Variants in NHSL2 observed in about 807,000 individuals in gnomAD.
NHSL2 encodes the protein NHS like 2.
In NHSL2, 27 loss-of-function variants were observed where a neutral mutation model predicts 53.4. That is an observed-to-expected ratio of 0.51 (90% CI 0.37 to 0.70). The LOEUF is 0.70. NHSL2 is among the 30% of genes least tolerant of loss of function. The probability of loss-of-function intolerance (pLI) is 0.00; values close to 1 mark genes in which losing one functional copy is unlikely to be tolerated. For synonymous variants in NHSL2, 408 were observed against 404.1 expected (o/e 1.01, Z -0.12); for missense variants, 892 against 980.1 (o/e 0.91, Z 1.20).
intron 1 of NHSL2, among the ~76,000 whole-genome samples, chrX:72,083,265 C>T (rs937661134): frequency 1.6e-4 from 18 of 113,248 alleles, no homozygotes; most frequent in African/African-American, 5.4e-4. Context: ...ATAACAACCA[C>T]ATTTGTAGGC....
chrX:72,049,488 C>T (rs779755403), intron 1 of NHSL2, among the ~76,000 whole-genome samples: 19 of 110,654 alleles, frequency 1.7e-4, no homozygotes, highest in African/African-American at 5.9e-4. Flanking sequence ...TCCCAGTGCC[C>T]GGAGTGGGTG....
At chrX:72,067,492 C>T (rs2042438012) in intron 1 of NHSL2, among the ~76,000 whole-genome samples, 1 of 111,942 alleles carries the variant, frequency 8.9e-6, no homozygotes, top group Non-Finnish European at 1.9e-5. Context: ...TCCATGTTTA[C>T]AACCTTGAAG....
Position 72,124,477 on chromosome X carries a change from G to T in NHSL2, c.281-7602G>T, listed in dbSNP as rs185519933. Among the ~76,000 whole-genome samples, 8 of 111,686 alleles carry T rather than the reference G, an allele frequency of 7.2e-5. No homozygotes were observed. In the Admixed American group the frequency reaches 7.5e-4, roughly 11 times the overall value. On this transcript the variant is annotated intron_variant, in intron 1 of 7. Coordinates refer to ENST00000633930, the MANE Select transcript of NHSL2 (RefSeq NM_001013627.3). Reference sequence around the variant, plus strand: ...CTTGCTCCAGGGAGCTCTAGGGGAAGGCTCAGAACCAAACTGGCCATTAAA... The same window carrying T: ...CTTGCTCCAGGGAGCTCTAGGGGAATGCTCAGAACCAAACTGGCCATTAAA...
rs749777592 is a variant in NHSL2 at position 72,140,480 on chromosome X, G to C, written c.2932G>C (p.Val978Leu). 8.3e-7 allele frequency: 1 copy of C among 1,208,343 alleles called. No homozygotes were observed. Among genetic ancestry groups the C allele is most frequent in the Admixed American group, 2.2e-5 (1 of 45,682 alleles). Residue 978 changes from valine to leucine, a missense_variant, in exon 6 of 8, where the codon GTG becomes CTG. Transcript: ENST00000633930. The part of the protein sequence containing the change: ...QGSVEDEGPK[V>L]RVLPERISLQ... ...AAGTGTAGAGGACGAGGGCCCCAAG[G>C]TGAGGGTTCTGCCTGAAAGAATTAG...
At chrX:72,013,822 A>G (rs756433376) in intron 1 of NHSL2, among the ~76,000 whole-genome samples, 1 of 111,276 alleles carries the variant, frequency 9.0e-6, no homozygotes, top group Admixed American at 9.6e-5. Context: ...GATTTTATCA[A>G]ATGCTTTTTC....
chrX:72,080,571 C>CGTGTGTGT (rs10580313), intron 1 of NHSL2, among the ~76,000 whole-genome samples: 5,331 of 97,045 alleles, frequency 0.055, 265 homozygotes, highest in African/African-American at 0.15. Flanking sequence ...GAATTCTGCA[C>CGTGTGTGT]GTGTGTGTGT....
chrX:71,911,477 C>T (rs1335430885), intron 1 of NHSL2, 110 bp downstream of exon 1: 2 of 677,683 alleles, frequency 3.0e-6, no homozygotes, highest in Non-Finnish European at 4.0e-6. Flanking sequence ...TCCGCCCCTC[C>T]CCTCCCCTCC....
chrX:72,001,033 A>C (rs1465296113), intron 1 of NHSL2, among the ~76,000 whole-genome samples: 1 of 111,388 alleles, frequency 9.0e-6, no homozygotes, highest in Non-Finnish European at 1.9e-5. Flanking sequence ...GGGCCTATGG[A>C]ATTCTTCCTG....
intron 1 of NHSL2, among the ~76,000 whole-genome samples, chrX:72,126,723 AC>A (rs2042229882): frequency 9.0e-6 from 1 of 111,575 alleles, no homozygotes; most frequent in Admixed American, 9.5e-5. Flanking sequence ...GTGATTCATC[AC>A]CAGCTAACTC....
chrX:71,945,330 C>T (rs1250011587), intron 1 of NHSL2, among the ~76,000 whole-genome samples: 1 of 112,393 alleles, frequency 8.9e-6, no homozygotes, highest in Non-Finnish European at 1.9e-5. Flanking sequence ...CTCTGCCTCA[C>T]TGCTGAGAAG....
In NHSL2 at chrX:72,140,022, A is replaced by G; in HGVS notation, c.2474A>G (p.Gln825Arg). 2 of 1,210,066 alleles carry G rather than the reference A, an allele frequency of 1.7e-6. No homozygotes were observed. The highest frequency in any genetic ancestry group is 2.2e-6 in the Non-Finnish European group (2 of 894,565). Residue 825 changes from glutamine to arginine, a missense_variant, in exon 6 of 8, where the codon CAG (glutamine) becomes CGG (arginine). Gln to Arg is a conservative substitution (Grantham distance 43). Transcript: ENST00000633930. ...PNQPIMPMVT[Q>R]SDLRSVRLRS... ...CAGCCAATCATGCCTATGGTTACTC[A>G]GTCCGACCTACGTTCTGTTCGCCTG... is the stretch of plus-strand genomic sequence containing the variant.
intron 1 of NHSL2, among the ~76,000 whole-genome samples, chrX:72,026,122 G>C (rs1306260676): frequency 1.8e-5 from 2 of 111,915 alleles, no homozygotes; most frequent in East Asian, 5.6e-4. Flanking sequence ...TCCCTTCCCC[G>C]TCTGTTATCA....
intron 1 of NHSL2, among the ~76,000 whole-genome samples, chrX:72,118,363 T>A (rs1396927960): frequency 8.9e-6 from 1 of 112,402 alleles, no homozygotes; most frequent in African/African-American, 3.2e-5. Flanking sequence ...GATATTTTTA[T>A]ATGTTCGGAC....
chrX:71,946,312 G>A (rs1938175848), intron 1 of NHSL2, among the ~76,000 whole-genome samples: 1 of 112,180 alleles, frequency 8.9e-6, no homozygotes, highest in African/African-American at 3.2e-5. Flanking sequence ...TCAGGCAGAG[G>A]GCATAGCCTG....
chrX:71,914,496 C>T (rs922372485), intron 1 of NHSL2, among the ~76,000 whole-genome samples: 1 of 112,417 alleles, frequency 8.9e-6, no homozygotes, highest in African/African-American at 3.2e-5. Context: ...GGAAAACTAT[C>T]ATGTTACACT....
Position 71,975,581 on chromosome X carries a change from C to T in NHSL2, c.280+64214C>T, listed in dbSNP as rs1012341598. 4.0e-4 allele frequency among the ~76,000 whole-genome samples: 45 copies of T among 111,519 alleles called. 1 individual carries two copies. The highest frequency in any genetic ancestry group is 1.3e-3 in the African/African-American group (41 of 30,705). ...GACAATTATTATCTCCAGGCCCATT[C>T]CCTGCCCCTTCCCCTGGCTGTTTTC... On this transcript the variant is annotated intron_variant, in intron 1 of 7. Transcript: ENST00000633930.
chrX:72,035,636 A>T (rs1162712617), intron 1 of NHSL2, among the ~76,000 whole-genome samples: 1 of 111,733 alleles, frequency 8.9e-6, no homozygotes, highest in Non-Finnish European at 1.9e-5. Context: ...ATTATCTTAA[A>T]TATTTCCTCT....
chrX:72,069,534 G>A (rs1306398076), intron 1 of NHSL2: 2 of 351,746 alleles, frequency 5.7e-6, no homozygotes, highest in Non-Finnish European at 9.1e-6. Context: ...ATTTGGAAGA[G>A]CCATGTGTGT....
At chrX:72,112,213 C>T (rs1202815630) in intron 1 of NHSL2, among the ~76,000 whole-genome samples, 2 of 109,586 alleles carry the variant, frequency 1.8e-5, no homozygotes, top group African/African-American at 6.7e-5. Context: ...AGGCAGAGGC[C>T]GGATCATTCA....
Sources: gnomAD v4.1 joint callset for allele counts (sites outside exome capture counted in the v4.1 genomes callset) on GRCh38, gnomAD v4.1.1 for gene constraint, MANE v1.5 for transcripts, NCBI Gene and HGNC (gene_info 2026-07-23, HGNC 2026-07-21) for gene names.